Variants in XPO4 observed in about 807,000 individuals in gnomAD.
XPO4 encodes exportin 4.
Under a neutral mutation model 143.0 loss-of-function variants are expected in XPO4, and 39 were observed. The observed-to-expected ratio is 0.27, with a 90% CI of 0.21 to 0.36. XPO4 has a LOEUF of 0.36. XPO4 is among the 10% of genes least tolerant of loss of function. The probability of loss-of-function intolerance (pLI) is 1.00; values close to 1 mark genes in which losing one functional copy is unlikely to be tolerated. For synonymous variants in XPO4, 439 were observed against 474.0 expected, an observed-to-expected ratio of 0.93 and a Z score of 0.96; for missense variants, 907 against 1,348.0, an observed-to-expected ratio of 0.67 and a Z score of 5.12.
At chr13:20,869,614 T>G in intron 1 of XPO4, 1 of 773,858 alleles carries the variant, frequency 1.3e-6, no homozygotes, top group South Asian at 6.0e-5. Flanking sequence ...TTATAAATTA[T>G]ATCAATTATG....
At chr13:20,856,036 A>G (rs535339556) in intron 3 of XPO4, among the ~76,000 whole-genome samples, 1 of 152,344 alleles carries the variant, frequency 6.6e-6, no homozygotes, top group African/African-American at 2.4e-5. Flanking sequence ...TAGTGTTATT[A>G]TAAGGGTTAA....
intron 1 of XPO4, among the ~76,000 whole-genome samples, chr13:20,900,006 A>G (rs2060605003): frequency 6.6e-6 from 1 of 152,166 alleles, no homozygotes; most frequent in East Asian, 1.9e-4. Context: ...GACAAACCAG[A>G]GTTTGAGTCT....
chr13:20,900,066 G>GC (rs2060605519), intron 1 of XPO4, among the ~76,000 whole-genome samples: 1 of 151,768 alleles, frequency 6.6e-6, no homozygotes, highest in African/African-American at 2.4e-5. Flanking sequence ...TCTACATGTT[G>GC]GAGTTTCCTT....
intron 6 of XPO4, among the ~76,000 whole-genome samples, chr13:20,834,730 G>A (rs905907848): frequency 7.2e-5 from 11 of 151,968 alleles, no homozygotes; most frequent in East Asian, 1.9e-4. Context: ...ATGCCAAAGC[G>A]GGAGGATCAC....
At chr13:20,806,933 T>C (rs977808450) in intron 13 of XPO4, among the ~76,000 whole-genome samples, 1 of 152,168 alleles carries the variant, frequency 6.6e-6, no homozygotes, top group Non-Finnish European at 1.5e-5. Context: ...ATTAGGAAGA[T>C]TAAAGTGAAT....
At chr13:20,812,476 T>C (rs1566576901) in intron 9 of XPO4, among the ~76,000 whole-genome samples, 2 of 152,022 alleles carry the variant, frequency 1.3e-5, no homozygotes, top group South Asian at 4.2e-4. Flanking sequence ...TTTTAAAGAA[T>C]TTAGAAGAAA....
chr13:20,851,458 A>G, intron 4 of XPO4: 1 of 984,224 alleles, frequency 1.0e-6, no homozygotes, highest in Non-Finnish European at 1.2e-6. Flanking sequence ...GCTCACACCT[A>G]TAATCTTTGG....
chr13:20,841,795 C>T (rs2059977112), intron 6 of XPO4, among the ~76,000 whole-genome samples: 1 of 151,566 alleles, frequency 6.6e-6, no homozygotes, highest in South Asian at 2.1e-4. Context: ...AAATGTAGCT[C>T]CTCTTGGCTC....
rs1490633821 is a variant in XPO4, at chr13:20,843,771, T to C, written c.572A>G (p.Gln191Arg). 6.2e-7 allele frequency: 1 copy of C among 1,607,628 alleles called. No homozygotes were observed. The change falls in exon 5 of 23, where the codon CAG becomes CGG. Residue 191 changes from glutamine (Q) to arginine (R), a missense_variant and splice_region_variant. Gln to Arg is a conservative substitution (Grantham distance 43, BLOSUM62 1). Transcript: ENST00000255305. Reference protein sequence around the residue: ...EFHGNCKRVFQEEDLRQIFML... With the variant: ...EFHGNCKRVFREEDLRQIFML... ...ACTCAAGAACAAAACTACCAATACC[T>C]GAAAAACTCTTTTGCAGTTACCATG...
At chr13:20,860,803 C>G (rs2060189800) in intron 3 of XPO4, among the ~76,000 whole-genome samples, 1 of 152,092 alleles carries the variant, frequency 6.6e-6, no homozygotes, top group Non-Finnish European at 1.5e-5. Context: ...CTATGAAAAC[C>G]AGAAAAAAAT....
intron 7 of XPO4, among the ~76,000 whole-genome samples, chr13:20,825,797 G>C (rs541036535): frequency 5.3e-4 from 81 of 152,210 alleles, no homozygotes; most frequent in Non-Finnish European, 1.0e-3. Flanking sequence ...AGTGGTTTTA[G>C]CCATCATTTC....
At chr13:20,876,980 C>T (rs1440057541) in intron 1 of XPO4, among the ~76,000 whole-genome samples, 1 of 152,192 alleles carries the variant, frequency 6.6e-6, no homozygotes, top group Non-Finnish European at 1.5e-5. Flanking sequence ...GTCCATTTTA[C>T]AGAGTGCTGA....
At chr13:20,833,639 C>T (rs1022857561) in intron 6 of XPO4, among the ~76,000 whole-genome samples, 1 of 151,868 alleles carries the variant, frequency 6.6e-6, no homozygotes, top group Non-Finnish European at 1.5e-5. Flanking sequence ...GAGGGCTAAC[C>T]GTACTTAAAT....
At chr13:20,855,384 G>A (rs1018349163) in intron 4 of XPO4, among the ~76,000 whole-genome samples, 6 of 151,756 alleles carry the variant, frequency 4.0e-5, no homozygotes, top group Non-Finnish European at 8.8e-5. Context: ...GAACCCGGAA[G>A]GCAGAGGTTG....
chr13:20,782,204 G>A lies in XPO4; in HGVS notation c.*1518C>T, dbSNP rs921185141. 6.6e-6 allele frequency: 1 copy of A among 152,212 alleles called. No homozygotes were observed. Among genetic ancestry groups the A allele is most frequent in the South Asian group, 2.1e-4 (1 of 4,834 alleles). 9.4% of individuals were successfully genotyped at this position (152,212 alleles called of 1,614,324 possible). ...ACATGTAATGACACATATGCTATAT[G>A]CAATCAGGTAGAAAAACCGTATTTG... On this transcript the variant is annotated 3_prime_UTR_variant, in exon 23 of 23. Coordinates refer to ENST00000255305, the MANE Select transcript of XPO4 (RefSeq NM_022459.5).
intron 6 of XPO4, among the ~76,000 whole-genome samples, chr13:20,836,340 G>A (rs910943243): frequency 6.6e-5 from 10 of 152,172 alleles, no homozygotes; most frequent in African/African-American, 1.7e-4. Flanking sequence ...GGTAACAGAC[G>A]ATGTTGACTA....
chr13:20,799,461 G>A (rs1229454731), intron 15 of XPO4, 122 bp from the exon 16 acceptor site: 1 of 837,250 alleles, frequency 1.2e-6, no homozygotes, highest in Non-Finnish European at 1.7e-6. Flanking sequence ...TTAAAGCAAA[G>A]TACAGTAAAC....
rs992022760 is a variant in XPO4 at position 20,803,962 on chromosome 13, G to A, written c.1818-2972C>T. 7.9e-5 allele frequency among the ~76,000 whole-genome samples: 12 copies of A among 152,244 alleles called. No homozygotes were observed. The highest frequency in any genetic ancestry group is 2.9e-4 in the African/African-American group (12 of 41,534). ...TTACTAAACAGACCCAGACTTGGGA[G>A]TGTCCAGATATTCTGACATCTGGAG... On this transcript the variant is annotated intron_variant, in intron 13 of 22. Transcript: ENST00000255305. This position sits in a 1 kb window ranked among gnomAD's most constrained non-coding sequence, Gnocchi z 4.1.
intron 9 of XPO4, among the ~76,000 whole-genome samples, chr13:20,818,098 T>C (rs2059672942): frequency 6.6e-6 from 1 of 152,190 alleles, no homozygotes; most frequent in Non-Finnish European, 1.5e-5. Context: ...ATTTTAATCT[T>C]TAAGGCAATA....
Sources: gnomAD v4.1 joint callset for allele counts (sites outside exome capture counted in the v4.1 genomes callset) on GRCh38, gnomAD v4.1.1 for gene constraint, Gnocchi (gnomAD v3.1) non-coding constraint, MANE v1.5 for transcripts, NCBI Gene and HGNC (gene_info 2026-07-23, HGNC 2026-07-21) for gene names.